Variants in SLC1A1 observed in about 807,000 individuals in gnomAD.
SLC1A1 encodes excitatory amino acid transporter 3.
Under a neutral mutation model 53.3 loss-of-function variants are expected in SLC1A1, and 43 were observed. That is an observed-to-expected ratio of 0.81 (90% CI 0.63 to 1.04). The LOEUF (loss-of-function observed/expected upper bound fraction) is 1.04, where lower values mean the gene tolerates loss of function less well. SLC1A1 is among the 50% of genes least tolerant of loss of function. The pLI is 0.00. For missense variants in SLC1A1, 748 were observed against 664.9 expected, an observed-to-expected ratio of 1.12 and a Z score of -1.37; for synonymous variants, 307 against 243.2, an observed-to-expected ratio of 1.26 and a Z score of -2.44.
chr9:4,495,452 T>A (rs1355048719), intron 1 of SLC1A1, among the ~76,000 whole-genome samples: 1 of 151,946 alleles, frequency 6.6e-6, no homozygotes, highest in African/African-American at 2.4e-5. Context: ...GTATAGAGCA[T>A]GTTAGATGAG....
intron 2 of SLC1A1, among the ~76,000 whole-genome samples, chr9:4,546,268 C>T (rs77470221): frequency 0.036 from 5,522 of 152,242 alleles, 130 homozygotes; most frequent in African/African-American, 0.06. Flanking sequence ...TATTTAATTA[C>T]GTTTGGAAAT....
intron 1 of SLC1A1, among the ~76,000 whole-genome samples, chr9:4,510,673 C>A (rs973165234): frequency 9.2e-5 from 14 of 152,160 alleles, no homozygotes; most frequent in African/African-American, 3.1e-4. Context: ...TTTCTTTTTC[C>A]CAGTTCCACA....
At chr9:4,545,189 G>GTCTCCCTCTCTCTCTCTCTCTCTCTCTC (rs1554681237) in intron 2 of SLC1A1, among the ~76,000 whole-genome samples, 2 of 130,904 alleles carry the variant, frequency 1.5e-5, no homozygotes, top group African/African-American at 5.7e-5. Flanking sequence ...TACATTAGAT[G>GTCTCCCTCTCTCTCTCTCTCTCTCTCTC]TCTCTCTCTC....
At chr9:4,493,032 T>C (rs1820292098) in intron 1 of SLC1A1, among the ~76,000 whole-genome samples, 1 of 152,190 alleles carries the variant, frequency 6.6e-6, no homozygotes, top group African/African-American at 2.4e-5. Flanking sequence ...TAAGAAGAAG[T>C]ACATGCTCAT....
In SLC1A1 at chr9:4,585,584, A is replaced by T. The variant is rs1396698281; in HGVS notation, c.*26A>T. 1 of 1,613,980 alleles carries T rather than the reference A, an allele frequency of 6.2e-7. No homozygotes were observed. Among genetic ancestry groups the T allele is most frequent in the East Asian group, 2.2e-5 (1 of 44,900 alleles). The stretch of plus-strand genomic sequence containing the variant: ...GGCCCCTGGCTGCAGATGACTGGAA[A>T]CAAGGAAGGACATTTCCGTGAGAGT... On this transcript the variant is annotated 3_prime_UTR_variant, in exon 12 of 12. Coordinates refer to ENST00000262352, the MANE Select transcript of SLC1A1 (RefSeq NM_004170.6).
intron 2 of SLC1A1, among the ~76,000 whole-genome samples, chr9:4,561,227 G>A (rs554604307): frequency 6.6e-6 from 1 of 152,326 alleles, no homozygotes; most frequent in East Asian, 1.9e-4. Context: ...GGTGAAGGCT[G>A]TGGGAAGCTG....
chr9:4,540,103 A>C (rs559830411), intron 1 of SLC1A1, among the ~76,000 whole-genome samples: 3 of 152,196 alleles, frequency 2.0e-5, no homozygotes, highest in African/African-American at 7.2e-5. Flanking sequence ...CCAGTCTCCA[A>C]CAGCAGAGAA....
At chr9:4,542,190 CGGAG>C (rs138202591) in intron 1 of SLC1A1, among the ~76,000 whole-genome samples, 20,553 of 150,792 alleles carry the variant, frequency 0.14, 1,656 homozygotes, top group African/African-American at 0.21. Context: ...GGGAGAGACA[CGGAG>C]GGAGGGAGGA....
At chr9:4,570,915 TAA>T (rs111620181) in intron 6 of SLC1A1, among the ~76,000 whole-genome samples, 26 of 140,918 alleles carry the variant, frequency 1.8e-4, no homozygotes, top group African/African-American at 4.9e-4. Context: ...CCTGTCTGTT[TAA>T]AAAAAAAAAA....
chr9:4,540,217 G>C (rs1816888269), intron 1 of SLC1A1, among the ~76,000 whole-genome samples: 1 of 152,080 alleles, frequency 6.6e-6, no homozygotes. Context: ...GGGATGGCCA[G>C]ACTCTGGGGG....
chr9:4,501,777 A>C (rs564769360), intron 1 of SLC1A1, among the ~76,000 whole-genome samples: 1 of 151,682 alleles, frequency 6.6e-6, no homozygotes, highest in South Asian at 2.1e-4. Flanking sequence ...AAACAAAACA[A>C]AACAAAACAA....
At chr9:4,491,409 G>A (rs1820233055) in intron 1 of SLC1A1, among the ~76,000 whole-genome samples, 1 of 152,246 alleles carries the variant, frequency 6.6e-6, no homozygotes, top group Admixed American at 6.5e-5. Context: ...TGGCCCGCGG[G>A]AGGTCACCGG....
intron 1 of SLC1A1, among the ~76,000 whole-genome samples, chr9:4,515,182 AC>A (rs1403554473): frequency 6.6e-6 from 1 of 152,080 alleles, no homozygotes; most frequent in Non-Finnish European, 1.5e-5. Context: ...CAAGAAGAAA[AC>A]TAATCAGATG....
rs1247086769 is a variant in SLC1A1 at position 4,556,008 on chromosome 9, G to A, written c.233-5441G>A. On this transcript the variant is annotated intron_variant, in intron 2 of 11. Coordinates refer to ENST00000262352, the MANE Select transcript of SLC1A1 (RefSeq NM_004170.6). This position sits in a 1 kb window ranked among gnomAD's most constrained non-coding sequence, Gnocchi z 4.1. ...TAGCCCTATTTTTTTTTTTTTTTGA[G>A]ATGGAGTTTCACTCCTGTTGCCCAG... Among the ~76,000 whole-genome samples, 1 of 143,202 alleles carries A rather than the reference G, an allele frequency of 7.0e-6. No individual in the cohort carries two copies. Among genetic ancestry groups the A allele is most frequent in the Non-Finnish European group, 1.5e-5 (1 of 66,178 alleles). The allele number at this position is 143,202 out of a possible 152,430, so 93.9% of individuals were successfully genotyped here.
intron 1 of SLC1A1, among the ~76,000 whole-genome samples, chr9:4,497,544 T>C (rs1016235546): frequency 2.0e-5 from 3 of 152,194 alleles, no homozygotes; most frequent in Admixed American, 2.0e-4. Flanking sequence ...ATGTTGTCCT[T>C]GTTTGTCAAG....
At chr9:4,577,081 T>A (rs1401135086) in intron 10 of SLC1A1, among the ~76,000 whole-genome samples, 1 of 152,144 alleles carries the variant, frequency 6.6e-6, no homozygotes, top group Non-Finnish European at 1.5e-5. Context: ...CATGCACATA[T>A]CCAAATGAAT....
At chr9:4,580,651 G>GTGTGTGTGTGTGTATA (rs370378540) in intron 10 of SLC1A1, among the ~76,000 whole-genome samples, 1 of 118,844 alleles carries the variant, frequency 8.4e-6, no homozygotes, top group African/African-American at 3.3e-5. Context: ...GTGTGTGTGT[G>GTGTGTGTGTGTGTATA]TATAAGGAAT....
rs991999720 is a variant in SLC1A1 at position 4,549,931 on chromosome 9, C to G, written c.232+5224C>G. 1.3e-5 allele frequency among the ~76,000 whole-genome samples: 2 copies of G among 152,132 alleles called. No individual in the cohort carries two copies. The highest frequency in any genetic ancestry group is 4.8e-5 in the African/African-American group (2 of 41,412). On this transcript the variant is annotated intron_variant, in intron 2 of 11. Coordinates refer to ENST00000262352, the MANE Select transcript of SLC1A1 (RefSeq NM_004170.6). The surrounding 1 kb of genome is among the most constrained non-coding windows in gnomAD (Gnocchi z 4.1). ...TCATTCCTAACCCTTCCTGTGATGT[C>G]GCAGCTCTGGATTTCCTAAAAACGC...
chr9:4,495,704 C>T (rs1435318217), intron 1 of SLC1A1, among the ~76,000 whole-genome samples: 2 of 151,212 alleles, frequency 1.3e-5, no homozygotes, highest in East Asian at 3.9e-4. Context: ...AGGCTGGGGG[C>T]AGAGCAATAG....
Sources: allele counts gnomAD v4.1 joint callset (sites outside exome capture counted in the v4.1 genomes callset), GRCh38; gene constraint gnomAD v4.1.1; non-coding constraint Gnocchi (gnomAD v3.1); transcripts MANE v1.5; gene names NCBI Gene and HGNC (gene_info 2026-07-23, HGNC 2026-07-21).